Variants in MRPL48 observed in about 807,000 individuals in gnomAD.
The protein encoded by MRPL48 is large ribosomal subunit protein mL48.
MRPL48 carries 16 observed loss-of-function variants against 32.9 expected under a neutral mutation model. The ratio of observed to expected loss-of-function variants is 0.49; its 90% CI spans 0.33 to 0.74. MRPL48 has a LOEUF of 0.74. Among genes scored for constraint, MRPL48 ranks in the 30% least tolerant of loss-of-function variants. The pLI, the probability that MRPL48 is intolerant of heterozygous loss-of-function variation, is 0.02. For synonymous variants in MRPL48, 94 were observed against 89.2 expected (o/e 1.05, Z -0.31); for missense variants, 206 against 245.3 (o/e 0.84, Z 1.07).
intron 5 of MRPL48, among the ~76,000 whole-genome samples, chr11:73,859,702 A>C (rs1018993566): frequency 4.6e-5 from 7 of 152,132 alleles, no homozygotes; most frequent in African/African-American, 1.7e-4. Context: ...AGAGATGCAG[A>C]ACTGCATTAA....
Position 73,805,091 on chromosome 11 carries a change from A to G in MRPL48, c.74+12A>G, listed in dbSNP as rs1565404939. 3.2e-6 allele frequency: 5 copies of G among 1,550,864 alleles called. No homozygotes were observed. Among genetic ancestry groups the G allele is most frequent in the East Asian group, 4.8e-5 (2 of 41,448 alleles). On this transcript the variant is annotated intron_variant, in intron 2 of 7. Coordinates refer to ENST00000310614, the MANE Select transcript of MRPL48 (RefSeq NM_016055.6). ...TTTTCTCTCTTAAGGTAAGAATATT[A>G]AAAACAATAATTAAATATAGGTAAC...
At chr11:73,822,451 A>G (rs1275959859) in intron 3 of MRPL48, among the ~76,000 whole-genome samples, 1 of 151,988 alleles carries the variant, frequency 6.6e-6, no homozygotes, top group African/African-American at 2.4e-5. Context: ...AGCATATTTT[A>G]TTTGTCTTTG....
chr11:73,863,324 C>T, intron 7 of MRPL48, 63 bp downstream of exon 7: 2 of 1,314,230 alleles, frequency 1.5e-6, no homozygotes, highest in Non-Finnish European at 2.1e-6. Context: ...AGGATAAGAA[C>T]ATCTGGACTT....
chr11:73,834,175 A>G (rs1477330924), intron 4 of MRPL48, among the ~76,000 whole-genome samples: 1 of 152,132 alleles, frequency 6.6e-6, no homozygotes, highest in African/African-American at 2.4e-5. Context: ...TCAACTCAAC[A>G]TTTAATAATT....
At chr11:73,832,684 C>T (rs200536318) in intron 4 of MRPL48, 12 of 153,484 alleles carry the variant, frequency 7.8e-5, no homozygotes, top group East Asian at 1.9e-4. Context: ...AGATCGCCCT[C>T]ACATCCAGTC....
chr11:73,825,853 T>C, intron 4 of MRPL48, 57 bp downstream of exon 4: 1 of 1,399,726 alleles, frequency 7.1e-7, no homozygotes, highest in East Asian at 2.5e-5. Flanking sequence ...TGCAAAAACC[T>C]GAAGATCAGA....
At chr11:73,791,106 G>GA (rs1275406416) in intron 1 of MRPL48, among the ~76,000 whole-genome samples, 2 of 151,550 alleles carry the variant, frequency 1.3e-5, no homozygotes, top group African/African-American at 4.8e-5. Context: ...GGCTGGTCTG[G>GA]AACTCCTGGG....
chr11:73,864,320 C>T lies in MRPL48; in HGVS notation c.589C>T (p.Arg197Ter), dbSNP rs1314191763. ...GCACACTGAAGAAGACTTCAAGGGA[C>T]GATTCAAAGCTCGACCAGAACTGGA... is the stretch of plus-strand genomic sequence containing the variant. ...KEHTEEDFKG[R>*]FKARPELEEL... The change falls in exon 8 of 8, where the codon CGA (arginine) becomes TGA (stop). Residue 197 changes from arginine to a stop codon, truncating the protein, a stop_gained. Coordinates refer to ENST00000310614, the MANE Select transcript of MRPL48 (RefSeq NM_016055.6). LOFTEE classifies it high-confidence loss of function. The T allele has an allele frequency of 2.5e-6, 4 of 1,613,810 alleles. No homozygotes were observed. The highest frequency in any genetic ancestry group is 2.2e-5 in the East Asian group (1 of 44,878).
At position 73,787,891 on chromosome 11, in the gene MRPL48, A is replaced by G; in HGVS notation, c.-81A>G. 6.5e-7 allele frequency: 1 copy of G among 1,545,718 alleles called. No individual in the cohort carries two copies. Among genetic ancestry groups the G allele is most frequent in the Non-Finnish European group, 8.8e-7 (1 of 1,137,920 alleles). ...TGCACCTGGTCAAGGCCGTTCCTTC[A>G]GTGTTTTCAGACGCCCTGGGAACGC... On this transcript the variant is annotated 5_prime_UTR_variant, in exon 1 of 8. Coordinates refer to ENST00000310614, the MANE Select transcript of MRPL48 (RefSeq NM_016055.6).
chr11:73,831,999 C>T (rs1437208133), intron 4 of MRPL48, among the ~76,000 whole-genome samples: 1 of 148,952 alleles, frequency 6.7e-6, no homozygotes, highest in Non-Finnish European at 1.5e-5. Flanking sequence ...TTGTATAGCA[C>T]TGGGTCATTT....
intron 1 of MRPL48, among the ~76,000 whole-genome samples, chr11:73,790,058 G>A (rs929609094): frequency 9.7e-5 from 13 of 134,104 alleles, no homozygotes; most frequent in Middle Eastern, 7.8e-3. Context: ...ACCATGCTCA[G>A]CTAATTTTTT....
At chr11:73,853,680 CTTTTTTT>C (rs58486952) in intron 5 of MRPL48, among the ~76,000 whole-genome samples, 31 of 79,124 alleles carry the variant, frequency 3.9e-4, no homozygotes, top group African/African-American at 1.4e-3. Context: ...GAGATAGCTT[CTTTTTTT>C]TTTTTTTTTT....
At chr11:73,793,261 C>T (rs1374824873) in intron 1 of MRPL48, among the ~76,000 whole-genome samples, 1 of 152,178 alleles carries the variant, frequency 6.6e-6, no homozygotes, top group Non-Finnish European at 1.5e-5. Flanking sequence ...GATGGGGTTT[C>T]TCCATGTTGG....
intron 3 of MRPL48, among the ~76,000 whole-genome samples, chr11:73,817,224 G>A (rs1329207381): frequency 6.6e-6 from 1 of 152,126 alleles, no homozygotes; most frequent in Non-Finnish European, 1.5e-5. Flanking sequence ...AAGATATGTG[G>A]GGATAGTGCA....
chr11:73,788,898 G>A (rs959323202), intron 1 of MRPL48, among the ~76,000 whole-genome samples: 5 of 152,170 alleles, frequency 3.3e-5, no homozygotes, highest in African/African-American at 1.2e-4. Flanking sequence ...TTTCATTTGT[G>A]CTCTTTCAAT....
At position 73,863,152 on chromosome 11, in the gene MRPL48, C is replaced by A; in HGVS notation, c.475-20C>A. ...TTTCAGCTCCTCCCACCTCTTAGAGCACCTTCTTTCATTTTGCAGATCAGC... is the reference window on the plus strand; with the variant it reads ...TTTCAGCTCCTCCCACCTCTTAGAGAACCTTCTTTCATTTTGCAGATCAGC... On this transcript the variant is annotated intron_variant, in intron 6 of 7. Coordinates refer to ENST00000310614, the MANE Select transcript of MRPL48 (RefSeq NM_016055.6). 1 of 1,563,890 alleles carries A rather than the reference C, an allele frequency of 6.4e-7. No homozygotes were observed. Among genetic ancestry groups the A allele is most frequent in the Non-Finnish European group, 8.7e-7 (1 of 1,153,348 alleles).
chr11:73,859,971 C>T lies in MRPL48; in HGVS notation c.436C>T (p.Leu146=). ...GCAGGACCAAGGCAGCAAAATGCTCCTGGACTCAGTGCTTACCACCCATGA... is the reference window on the plus strand; with the variant it reads ...GCAGGACCAAGGCAGCAAAATGCTCTTGGACTCAGTGCTTACCACCCATGA... ...QLQDQGSKML[L]DSVLTTHERV... Residue 146 remains leucine (L), a synonymous_variant, in exon 6 of 8, where the codon CTG becomes TTG. Transcript: ENST00000310614. 23 of 1,613,864 alleles carry T rather than the reference C, an allele frequency of 1.4e-5. No homozygotes were observed. The highest frequency in any genetic ancestry group is 1.9e-5 in the Non-Finnish European group (23 of 1,179,864).
At chr11:73,792,107 C>T (rs1475047940) in intron 1 of MRPL48, among the ~76,000 whole-genome samples, 1 of 152,158 alleles carries the variant, frequency 6.6e-6, no homozygotes, top group African/African-American at 2.4e-5. Context: ...TAGAATAAAA[C>T]TGGATAGAGC....
chr11:73,835,746 A>G (rs2135034235), intron 4 of MRPL48, among the ~76,000 whole-genome samples: 1 of 152,016 alleles, frequency 6.6e-6, no homozygotes, highest in South Asian at 2.1e-4. Flanking sequence ...TAAAAATACA[A>G]AATTACCCAG....
Sources: allele counts gnomAD v4.1 joint callset (sites outside exome capture counted in the v4.1 genomes callset), GRCh38; gene constraint gnomAD v4.1.1; transcripts MANE v1.5; gene names NCBI Gene and HGNC (gene_info 2026-07-23, HGNC 2026-07-21).